The following PGC variants were observed in gnomAD, a reference collection of about 807,000 sequenced individuals.
PGC encodes the protein progastricsin, also known as gastricsin.
PGC carries 31 observed loss-of-function variants against 45.9 expected under a neutral mutation model. The ratio of observed to expected loss-of-function variants is 0.67; its 90% CI spans 0.51 to 0.91. The LOEUF (loss-of-function observed/expected upper bound fraction) is 0.91. PGC is among the 40% of genes least tolerant of loss of function. PGC has a pLI of 0.00. For missense variants in PGC, 477 were observed against 493.2 expected (o/e 0.97, Z 0.31); for synonymous variants, 192 against 201.8 (o/e 0.95, Z 0.41).
In PGC at chr6:41,744,338, C is replaced by T; in HGVS notation, c.328+59G>A. Reference sequence around the variant, plus strand: ...CTCCCTCTGGAAGTTTGGCCCTCCCCAGAGGGTATCAGTGCCTTGCCCTGC... The same window carrying T: ...CTCCCTCTGGAAGTTTGGCCCTCCCTAGAGGGTATCAGTGCCTTGCCCTGC... On this transcript the variant is annotated intron_variant, in intron 3 of 8. Coordinates refer to ENST00000373025, the MANE Select transcript of PGC (RefSeq NM_002630.4). This position sits in a 1 kb window ranked among gnomAD's most constrained non-coding sequence, Gnocchi z 4.4. 2 of 1,265,602 alleles carry T rather than the reference C, an allele frequency of 1.6e-6. No homozygotes were observed. The highest frequency in any genetic ancestry group is 1.3e-5 in the South Asian group (1 of 77,452). The allele number at this position is 1,265,602 out of a possible 1,614,324, so 78.4% of individuals were successfully genotyped here.
intron 4 of PGC, 110 bp from the exon 5 acceptor site, chr6:41,742,599 CCTT>C: frequency 1.3e-6 from 1 of 775,990 alleles, no homozygotes. Context: ...ACCTCTGCCC[CCTT>C]CTTTTTTGTT....
chr6:41,744,439 T>G lies in PGC; in HGVS notation c.286A>C (p.Asn96His), dbSNP rs1249915308. 1 of 1,613,312 alleles carries G rather than the reference T, an allele frequency of 6.2e-7. No homozygotes were observed. Among genetic ancestry groups the G allele is most frequent in the East Asian group, 2.2e-5 (1 of 44,876 alleles). Residue 96 changes from asparagine to histidine, a missense_variant, in exon 3 of 9, where the codon AAC (asparagine) becomes CAC (histidine). Coordinates refer to ENST00000373025, the MANE Select transcript of PGC (RefSeq NM_002630.4). The surrounding 1 kb of genome is among the most constrained non-coding windows in gnomAD (Gnocchi z 4.4). Reference sequence around the variant, plus strand: ...CAGTAGACAGAGGGCACCCACAAGTTGGAGGAGCCGGTGTCAAAAAGGACC... The same window carrying G: ...CAGTAGACAGAGGGCACCCACAAGTGGGAGGAGCCGGTGTCAAAAAGGACC... ...FLVLFDTGSS[N>H]LWVPSVYCQS...
At chr6:41,742,647 A>G (rs1771852759) in intron 4 of PGC, among the ~76,000 whole-genome samples, 158 bp from the exon 5 acceptor site, 1 of 152,026 alleles carries the variant, frequency 6.6e-6, no homozygotes, top group South Asian at 2.1e-4. Flanking sequence ...CTTGTTTGAG[A>G]CAGAGTCTCG....
intron 5 of PGC, 138 bp from the exon 6 acceptor site, chr6:41,740,748 C>A: frequency 6.8e-7 from 1 of 1,461,312 alleles, no homozygotes; most frequent in Admixed American, 2.6e-5. Flanking sequence ...CTGAGTCTCC[C>A]TTCAGACTGG....
intron 1 of PGC, 108 bp downstream of exon 1, chr6:41,747,168 A>C: frequency 1.1e-6 from 1 of 888,176 alleles, no homozygotes; most frequent in Middle Eastern, 2.4e-4. Flanking sequence ...CCCCTAGCAG[A>C]AGTCCCAGAG....
At chr6:41,740,722 C>T in intron 5 of PGC, 112 bp from the exon 6 acceptor site, 1 of 1,483,400 alleles carries the variant, frequency 6.7e-7, no homozygotes, top group Non-Finnish European at 8.9e-7. Context: ...CAGACGGGGG[C>T]TCCCTGAGGA....
intron 5 of PGC, chr6:41,741,788 A>T (rs1561881379): frequency 3.9e-6 from 6 of 1,535,220 alleles, no homozygotes; most frequent in South Asian, 1.2e-5. Flanking sequence ...ACTGGCAAGG[A>T]TAACAACCTG....
Position 41,742,357 on chromosome 6 carries a change from T to C in PGC, c.580A>G (p.Thr194Ala). 6.2e-7 allele frequency: 1 copy of C among 1,614,170 alleles called. No individual in the cohort carries two copies. The highest frequency in any genetic ancestry group is 8.5e-7 in the Non-Finnish European group (1 of 1,180,028). ...YPALSVDEAT[T>A]AMQGMVQEGA... ...TCCTGCACCATGCCCTGCATAGCTG[T>C]GGTGGCCTCATCCACGGACAGAGCA... Residue 194 changes from threonine to alanine, a missense_variant, in exon 5 of 9, where the codon ACA becomes GCA. Physicochemically the swap from Thr to Ala is moderately conservative, Grantham distance 58. Coordinates refer to ENST00000373025, the MANE Select transcript of PGC (RefSeq NM_002630.4).
chr6:41,743,087 G>A (rs1394275898), intron 4 of PGC, among the ~76,000 whole-genome samples, 184 bp downstream of exon 4: 3 of 152,224 alleles, frequency 2.0e-5, no homozygotes, highest in African/African-American at 7.2e-5. Context: ...TGGTGCCCCA[G>A]TGCCTAGCAC....
At chr6:41,737,945 T>C in intron 7 of PGC, 117 bp from the exon 8 acceptor site, 1 of 635,050 alleles carries the variant, frequency 1.6e-6, no homozygotes, top group South Asian at 1.8e-5. Context: ...CTAAGCCTGT[T>C]TTTGGACTAG....
At chr6:41,737,652 G>T in intron 8 of PGC, 78 bp downstream of exon 8, 1 of 821,982 alleles carries the variant, frequency 1.2e-6, no homozygotes, top group Non-Finnish European at 2.1e-6. Flanking sequence ...CAAGGCAGGA[G>T]ACCCAGCATT....
intron 1 of PGC, among the ~76,000 whole-genome samples, chr6:41,745,748 T>C (rs1771920537): frequency 6.6e-6 from 1 of 151,240 alleles, no homozygotes; most frequent in African/African-American, 2.4e-5. Context: ...AGGGTTTCTC[T>C]ATGTTGGTCA....
At position 41,744,995 on chromosome 6, in the gene PGC, C is replaced by CTG. The variant is rs964698410; in HGVS notation, c.60-189_60-188dup. ...TCTCTGTCTCTGTCTGTCTGTCTCTCTGTGTGTGTGTGTGTGTGTGCGCGC... is the reference window on the plus strand; with the variant it reads ...TCTCTGTCTCTGTCTGTCTGTCTCTCTGTGTGTGTGTGTGTGTGTGTGCGCGC... On this transcript the variant is annotated intron_variant, in intron 1 of 8. Transcript: ENST00000373025. This position sits in a 1 kb window ranked among gnomAD's most constrained non-coding sequence, Gnocchi z 4.4. 1.3e-4 allele frequency among the ~76,000 whole-genome samples: 15 copies of CTG among 114,316 alleles called. No individual in the cohort carries two copies. The highest frequency in any genetic ancestry group is 4.0e-4 in the African/African-American group (12 of 30,340). The allele number at this position is 114,316 out of a possible 152,430, so 75.0% of individuals were successfully genotyped here. A position where few individuals can be genotyped will look rare whatever the true frequency, so the allele number is the denominator to read the frequency against.
rs371599040 is a variant in PGC, at chr6:41,740,595, G to A, written c.663C>T (p.Ser221=). The A allele has an allele frequency of 2.9e-5, 47 of 1,599,696 alleles. No homozygotes were observed. Among genetic ancestry groups the A allele is most frequent in the South Asian group, 1.7e-4 (15 of 89,058 alleles). Residue 221 remains serine (S), a synonymous_variant, in exon 6 of 9, where the codon AGC becomes AGT. Coordinates refer to ENST00000373025, the MANE Select transcript of PGC (RefSeq NM_002630.4). ...CACCCCCAAAGACAACCGCTCCCCC[G>A]CTGGAGCCCTGCTGGCTGCAGGAGA... ...SVYLSNQQGS[S]GGAVVFGGVD...
At chr6:41,739,126 A>G (rs2127288810) in intron 7 of PGC, among the ~76,000 whole-genome samples, 1 of 152,304 alleles carries the variant, frequency 6.6e-6, no homozygotes, top group African/African-American at 2.4e-5. Context: ...GGCCCTGTGG[A>G]GGTGAGAGAG....
At chr6:41,740,064 C>A in intron 6 of PGC, 118 bp from the exon 7 acceptor site, 2 of 840,656 alleles carry the variant, frequency 2.4e-6, no homozygotes, top group Non-Finnish European at 3.7e-6. Context: ...AAAGTGAGGA[C>A]CCTGCAAAGA....
Position 41,744,388 on chromosome 6 carries a change from AG to A in PGC, c.328+8del, listed in dbSNP as rs899645559. On this transcript the variant is annotated splice_region_variant and intron_variant, in intron 3 of 8. Transcript: ENST00000373025. The surrounding 1 kb of genome is among the most constrained non-coding windows in gnomAD (Gnocchi z 4.4). ...CCAACCACCCCTCTCTGCCCAGCCC[AG>A]CACTCACTGCAGGCCTGGCTCTGGC... 2.5e-6 allele frequency: 4 copies of A among 1,586,784 alleles called. No individual in the cohort carries two copies. In the African/African-American group the frequency reaches 5.4e-5, roughly 21 times the overall value.
In PGC at chr6:41,739,871, C is replaced by T. The variant is rs1293514229; in HGVS notation, c.843G>A (p.Leu281=). ...CQAIVDTGTS[L]LTVPQQYMSA... is the part of the protein sequence containing the mutation. ...TCATGTACTGCTGGGGCACAGTGAG[C>T]AGAGAGGTGCCTGTGTCCACGATGG... The change falls in exon 7 of 9, where the codon CTG becomes CTA. Residue 281 remains leucine (L), a synonymous_variant. Transcript: ENST00000373025. 1 of 1,614,028 alleles carries T rather than the reference C, an allele frequency of 6.2e-7. No homozygotes were observed. The highest frequency in any genetic ancestry group is 2.2e-5 in the East Asian group (1 of 44,886).
chr6:41,746,259 C>G (rs1439530217), intron 1 of PGC, among the ~76,000 whole-genome samples: 1 of 152,188 alleles, frequency 6.6e-6, no homozygotes, highest in Non-Finnish European at 1.5e-5. Flanking sequence ...CTGGATGTGA[C>G]AGAGCATGGA....
Sources: allele counts gnomAD v4.1 joint callset (sites outside exome capture counted in the v4.1 genomes callset), GRCh38; gene constraint gnomAD v4.1.1; non-coding constraint Gnocchi (gnomAD v3.1); transcripts MANE v1.5; gene names NCBI Gene and HGNC (gene_info 2026-07-23, HGNC 2026-07-21).